The following THRB variants were observed in gnomAD, a reference collection of about 807,000 sequenced individuals.
THRB encodes nuclear receptor subfamily 1 group A member 2.
THRB carries 12 observed loss-of-function variants against 47.8 expected under a neutral mutation model. The observed-to-expected ratio is 0.25, with a 90% confidence interval of 0.16 to 0.41. THRB has a LOEUF of 0.41. THRB is among the 10% of genes least tolerant of loss of function. The pLI is 1.00. For missense variants in THRB, 348 were observed against 589.2 expected (o/e 0.59, Z 4.24); for synonymous variants, 218 against 212.2 (o/e 1.03, Z -0.24).
At chr3:24,351,464 G>T (rs1360230698) in intron 1 of THRB, among the ~76,000 whole-genome samples, 1 of 152,092 alleles carries the variant, frequency 6.6e-6, no homozygotes, top group African/African-American at 2.4e-5. Context: ...CTAGACAATG[G>T]TACATATTAG....
chr3:24,345,938 T>C (rs1014158828), intron 1 of THRB, among the ~76,000 whole-genome samples: 1 of 151,918 alleles, frequency 6.6e-6, no homozygotes, highest in Non-Finnish European at 1.5e-5. Context: ...TTAATAAAGC[T>C]AATAAAGTTT....
chr3:24,452,792 C>T (rs765073368), intron 1 of THRB, among the ~76,000 whole-genome samples: 1 of 152,164 alleles, frequency 6.6e-6, no homozygotes, highest in Non-Finnish European at 1.5e-5. Flanking sequence ...TTTGCTATAT[C>T]TGCAACCTCT....
At chr3:24,132,994 C>G (rs2034104627) in intron 9 of THRB, among the ~76,000 whole-genome samples, 1 of 152,116 alleles carries the variant, frequency 6.6e-6, no homozygotes, top group Non-Finnish European at 1.5e-5. Flanking sequence ...GTGGGCAAAC[C>G]TGAGCACCTG....
intron 5 of THRB, among the ~76,000 whole-genome samples, chr3:24,176,893 C>T (rs1459834883): frequency 6.6e-6 from 1 of 152,090 alleles, no homozygotes; most frequent in African/African-American, 2.4e-5. Context: ...TGTAAATATA[C>T]TAACAATCAT....
chr3:24,269,297 AC>A, intron 3 of THRB, among the ~76,000 whole-genome samples: 1 of 98,600 alleles, frequency 1.0e-5, no homozygotes, highest in Non-Finnish European at 2.3e-5. Flanking sequence ...ACACACACAC[AC>A]ACACACACAC....
In THRB at chr3:24,156,098, G is replaced by A. The variant is rs115288193; in HGVS notation, c.284-3608C>T. 6.0e-3 allele frequency among the ~76,000 whole-genome samples: 919 copies of A among 152,320 alleles called. 7 individuals carry two copies. The highest frequency in any genetic ancestry group is 0.021 in the African/African-American group (866 of 41,560). On this transcript the variant is annotated intron_variant, in intron 5 of 10. Transcript: ENST00000646209. ...ATTTTTTCAGTTGACATTTGGCAAT[G>A]TCTGGTTAATTGCTAAGTATTATCT...
At chr3:24,406,444 G>A (rs978812771) in intron 1 of THRB, among the ~76,000 whole-genome samples, 2 of 151,562 alleles carry the variant, frequency 1.3e-5, no homozygotes, top group African/African-American at 2.4e-5. Context: ...GATTTCTCTA[G>A]TAGTAAAAAT....
chr3:24,350,289 G>A (rs2149530489), intron 1 of THRB, among the ~76,000 whole-genome samples: 1 of 152,154 alleles, frequency 6.6e-6, no homozygotes, highest in African/African-American at 2.4e-5. Flanking sequence ...CATTTTGACA[G>A]TTCTATAATA....
rs1373647491 is a variant in THRB, at chr3:24,121,525, G to A, written c.*1359C>T. 6.6e-6 allele frequency: 1 copy of A among 152,632 alleles called. No homozygotes were observed. Among genetic ancestry groups the A allele is most frequent in the East Asian group, 1.9e-4 (1 of 5,198 alleles). 9.5% of individuals were successfully genotyped at this position (152,632 alleles called of 1,614,324 possible). On this transcript the variant is annotated 3_prime_UTR_variant, in exon 11 of 11. Coordinates refer to ENST00000646209, the MANE Select transcript of THRB (RefSeq NM_001354712.2). ...TTTTCTGACGCTGAAGAGATGAAGT[G>A]TCACTGTTTGTTTTCTGGGCACAAG...
intron 4 of THRB, among the ~76,000 whole-genome samples, chr3:24,219,685 T>G (rs1331556708): frequency 6.6e-6 from 1 of 152,326 alleles, no homozygotes; most frequent in East Asian, 1.9e-4. Context: ...GGTACTCAGA[T>G]GGCCAAACTA....
intron 1 of THRB, among the ~76,000 whole-genome samples, chr3:24,380,674 A>G (rs548010526): frequency 3.9e-4 from 60 of 152,320 alleles, no homozygotes; most frequent in African/African-American, 1.3e-3. Context: ...TTATACCTAG[A>G]AAGAACTGTA....
At chr3:24,463,924 A>G (rs901667448) in intron 1 of THRB, among the ~76,000 whole-genome samples, 2 of 152,274 alleles carry the variant, frequency 1.3e-5, no homozygotes, top group African/African-American at 4.8e-5. Flanking sequence ...AGTTATCGAC[A>G]CTTTGAAAAT....
At chr3:24,190,051 T>C (rs778612018) in intron 5 of THRB, 23 bp downstream of exon 5, 21 of 1,612,708 alleles carry the variant, frequency 1.3e-5, no homozygotes, top group African/African-American at 6.7e-5. Flanking sequence ...CACATGATAA[T>C]GGGCTAATAA....
At chr3:24,130,147 G>T (rs2033611954) in intron 9 of THRB, among the ~76,000 whole-genome samples, 1 of 152,146 alleles carries the variant, frequency 6.6e-6, no homozygotes, top group South Asian at 2.1e-4. Context: ...TTGCTGTAAA[G>T]GTGCTCCCAC....
chr3:24,127,683 G>A lies in THRB; in HGVS notation c.960C>T (p.Arg320=), dbSNP rs751488430. 2.5e-6 allele frequency: 4 copies of A among 1,614,084 alleles called. No individual in the cohort carries two copies. The highest frequency in any genetic ancestry group is 3.4e-6 in the Non-Finnish European group (4 of 1,180,044). Residue 320 remains arginine (R), a synonymous_variant, in exon 10 of 11, where the codon CGC becomes CGT. Transcript: ENST00000646209. ...MEIMSLRAAV[R]YDPESETLTL... ...TTAAAGTCTCACTTTCTGGGTCATA[G>A]CGCACAGCAGCGCGAAGGGACATGA...
chr3:24,296,620 A>G (rs2056468267), intron 3 of THRB, among the ~76,000 whole-genome samples: 1 of 152,236 alleles, frequency 6.6e-6, no homozygotes, highest in Admixed American at 6.5e-5. Context: ...TGACCAGTAC[A>G]GGAACAAAAG....
intron 5 of THRB, among the ~76,000 whole-genome samples, chr3:24,167,905 T>G (rs889416044): frequency 3.3e-5 from 5 of 152,152 alleles, no homozygotes; most frequent in Non-Finnish European, 7.4e-5. Flanking sequence ...ATATAAATAC[T>G]GCAGTGAAAA....
rs1577953340 is a variant in THRB at position 24,488,123 on chromosome 3, T to C, written c.-261+6529A>G. 4.6e-5 allele frequency among the ~76,000 whole-genome samples: 7 copies of C among 152,340 alleles called. No individual in the cohort carries two copies. The South Asian group carries it at 1.5e-3, about 32-fold the overall frequency. Reference sequence around the variant, plus strand: ...CCTGAGCCTCCAGGAGTCAAGTAAGTATATTCCCTAATAAAGAAGATATGC... The same window carrying C: ...CCTGAGCCTCCAGGAGTCAAGTAAGCATATTCCCTAATAAAGAAGATATGC... On this transcript the variant is annotated intron_variant, in intron 1 of 10. Transcript: ENST00000646209.
chr3:24,442,953 C>A (rs1289923959), intron 1 of THRB, among the ~76,000 whole-genome samples: 1 of 151,514 alleles, frequency 6.6e-6, no homozygotes, highest in Non-Finnish European at 1.5e-5. Flanking sequence ...GAGGCCGAGG[C>A]GGGTGGATCA....
Sources: gnomAD v4.1 joint callset for allele counts (sites outside exome capture counted in the v4.1 genomes callset) on GRCh38, gnomAD v4.1.1 for gene constraint, MANE v1.5 for transcripts, NCBI Gene and HGNC (gene_info 2026-07-23, HGNC 2026-07-21) for gene names.